Variants in HSF2BP observed in about 807,000 individuals in gnomAD.
The protein encoded by HSF2BP is heat shock factor 2-binding protein.
Under a neutral mutation model 35.0 loss-of-function variants are expected in HSF2BP, and 35 were observed. The ratio of observed to expected loss-of-function variants is 1.00; its 90% CI spans 0.76 to 1.32. HSF2BP has a LOEUF of 1.32. Among genes scored for constraint, HSF2BP ranks in the 40% most tolerant of loss-of-function variants. HSF2BP has a pLI of 0.00. For synonymous variants in HSF2BP, 114 were observed against 117.4 expected (o/e 0.97, Z 0.18); for missense variants, 326 against 321.7 (o/e 1.01, Z -0.10).
At chr21:43,496,130 T>A in the HSF2BP span, among the ~76,000 whole-genome samples, 1 of 134,550 alleles carries the variant, frequency 7.4e-6, no homozygotes, top group African/African-American at 2.7e-5. Flanking sequence ...AAATCCTCTG[T>A]TTGTACACCG....
chr21:43,611,240 T>G (rs1031820287), intron 7 of HSF2BP, among the ~76,000 whole-genome samples: 2 of 152,202 alleles, frequency 1.3e-5, no homozygotes, highest in African/African-American at 4.8e-5. Context: ...AGCAAGACTC[T>G]GTCTCAAAAA....
intron 4 of HSF2BP, among the ~76,000 whole-genome samples, chr21:43,640,368 T>C (rs1178264297): frequency 6.6e-6 from 1 of 152,128 alleles, no homozygotes; most frequent in African/African-American, 2.4e-5. Context: ...AAATTAGAGA[T>C]GGAAAATGTA....
At chr21:43,599,552 G>A (rs2082026384) in intron 7 of HSF2BP, among the ~76,000 whole-genome samples, 1 of 152,124 alleles carries the variant, frequency 6.6e-6, no homozygotes, top group South Asian at 2.1e-4. Context: ...CCAGCACTTT[G>A]GGAGGCTGAG....
rs114611460 is a variant in HSF2BP, at chr21:43,586,074, A to G, written c.796+6151T>C. Among the ~76,000 whole-genome samples the G allele has an allele frequency of 4.1e-3, 624 of 152,330 alleles. 9 individuals are homozygous for G. The highest frequency in any genetic ancestry group is 0.014 in the African/African-American group (589 of 41,574). On this transcript the variant is annotated intron_variant, in intron 8 of 8. Transcript: ENST00000291560. ...GAAATAACCGCCTATCTGCCCTTTT[A>G]GCATTGAAAACATGGTAGGAAATGC...
chr21:43,616,833 A>T (rs947924573), intron 6 of HSF2BP, among the ~76,000 whole-genome samples: 3 of 151,984 alleles, frequency 2.0e-5, no homozygotes, highest in Non-Finnish European at 4.4e-5. Flanking sequence ...CCAGATGCTG[A>T]GGCAGGAGAA....
At chr21:43,595,218 C>T (rs1220391990) in intron 7 of HSF2BP, among the ~76,000 whole-genome samples, 1 of 151,936 alleles carries the variant, frequency 6.6e-6, no homozygotes, top group Non-Finnish European at 1.5e-5. Flanking sequence ...AGCAAGATCG[C>T]ACCACTGCAT....
chr21:43,633,819 C>T (rs1433614930), intron 4 of HSF2BP, among the ~76,000 whole-genome samples: 1 of 152,192 alleles, frequency 6.6e-6, no homozygotes, highest in Non-Finnish European at 1.5e-5. Context: ...AGGAGACTGC[C>T]TCCTCCAAAT....
At chr21:43,581,195 G>C (rs909785815) in intron 8 of HSF2BP, among the ~76,000 whole-genome samples, 2 of 152,140 alleles carry the variant, frequency 1.3e-5, no homozygotes, top group Admixed American at 1.3e-4. Flanking sequence ...GACCATCCTG[G>C]CTAACACGGT....
chr21:43,575,597 C>G (rs564988431), intron 8 of HSF2BP, among the ~76,000 whole-genome samples: 2 of 152,328 alleles, frequency 1.3e-5, no homozygotes, highest in South Asian at 2.1e-4. Flanking sequence ...GGAGGAAAGT[C>G]TTTAGCCCAA....
intron 4 of HSF2BP, among the ~76,000 whole-genome samples, chr21:43,641,327 A>G (rs539244185): frequency 6.6e-6 from 1 of 152,174 alleles, no homozygotes; most frequent in East Asian, 1.9e-4. Context: ...TGCCTTTACC[A>G]GGAAGCTGGG....
At chr21:43,611,869 A>G (rs2082208737) in intron 7 of HSF2BP, among the ~76,000 whole-genome samples, 1 of 152,238 alleles carries the variant, frequency 6.6e-6, no homozygotes, top group Non-Finnish European at 1.5e-5. Flanking sequence ...CCAGGTAACT[A>G]AAGTGTACCC....
intron 1 of HSF2BP, 126 bp from the exon 2 acceptor site, chr21:43,658,446 T>C (rs994942563): frequency 7.0e-6 from 2 of 287,390 alleles, no homozygotes; most frequent in Non-Finnish European, 6.5e-6. Context: ...CAGTCTTTGC[T>C]GGAAACCTCG....
intron 4 of HSF2BP, among the ~76,000 whole-genome samples, chr21:43,633,988 A>T (rs2082518959): frequency 6.6e-6 from 1 of 152,228 alleles, no homozygotes; most frequent in Non-Finnish European, 1.5e-5. Flanking sequence ...GGTGCCAGTA[A>T]ATATAAAATA....
rs760990550 is a variant in HSF2BP, at chr21:43,592,323, A to G, written c.698T>C (p.Met233Thr). The G allele has an allele frequency of 7.5e-6, 12 of 1,607,600 alleles. No individual in the cohort carries two copies. The highest frequency in any genetic ancestry group is 1.0e-5 in the Non-Finnish European group (12 of 1,174,086). Residue 233 changes from methionine to threonine, a missense_variant, in exon 8 of 9, where the codon ATG (methionine) becomes ACG (threonine). Transcript: ENST00000291560. Reference protein sequence around the residue: ...PGQCTKLKVLMLMSLYNVSIN... With the variant: ...PGQCTKLKVLTLMSLYNVSIN... ...GCTTACATTGTATAGGGACATCAGC[A>G]TTAGCCTGAAATGTAAAAGAAAAAG...
chr21:43,622,078 T>G (rs2082337587), intron 6 of HSF2BP, among the ~76,000 whole-genome samples: 1 of 152,226 alleles, frequency 6.6e-6, no homozygotes, highest in Admixed American at 6.5e-5. Context: ...TATTATTTTT[T>G]GTGATCAAAG....
intron 4 of HSF2BP, among the ~76,000 whole-genome samples, chr21:43,642,965 G>C (rs1050123865): frequency 1.1e-4 from 16 of 151,864 alleles, no homozygotes; most frequent in African/African-American, 3.9e-4. Flanking sequence ...GCCCACCCTG[G>C]CCTCCCAAAG....
intron 8 of HSF2BP, among the ~76,000 whole-genome samples, chr21:43,572,237 T>C (rs535101549): frequency 6.6e-6 from 1 of 152,206 alleles, no homozygotes; most frequent in East Asian, 1.9e-4. Flanking sequence ...GAGGTGGCTG[T>C]GGGAGGTCCA....
rs575328186 is a variant in HSF2BP at position 43,605,299 on chromosome 21, C to T, written c.692+8531G>A. On this transcript the variant is annotated intron_variant, in intron 7 of 8. Coordinates refer to ENST00000291560, the MANE Select transcript of HSF2BP (RefSeq NM_007031.2). ...TCACACACACATCACACCCCACACA[C>T]AACACACCAGCTGACTGCACTAACT... 4.1e-4 allele frequency among the ~76,000 whole-genome samples: 61 copies of T among 148,232 alleles called. No individual in the cohort carries two copies. In the Middle Eastern group the frequency reaches 0.011, roughly 26 times the overall value.
chr21:43,467,917 ACACACAC>A, the HSF2BP span, among the ~76,000 whole-genome samples: 40 of 88,932 alleles, frequency 4.5e-4, 2 homozygotes, highest in Middle Eastern at 7.9e-3. Context: ...ACCACACACC[ACACACAC>A]CACACACCAC....
Sources: gnomAD v4.1 joint callset for allele counts (sites outside exome capture counted in the v4.1 genomes callset) on GRCh38, gnomAD v4.1.1 for gene constraint, MANE v1.5 for transcripts, NCBI Gene and HGNC (gene_info 2026-07-23, HGNC 2026-07-21) for gene names.